The following PPFIA1 variants were observed in gnomAD, a reference collection of about 807,000 sequenced individuals.
PPFIA1 encodes the protein PPFI scaffold protein A1.
PPFIA1 carries 25 observed loss-of-function variants against 149.9 expected under a neutral mutation model. That is an observed-to-expected ratio of 0.17 (90% CI 0.12 to 0.23). The LOEUF is 0.23. Among genes scored for constraint, PPFIA1 ranks in the 10% least tolerant of loss-of-function variants. The pLI, the probability that PPFIA1 is intolerant of heterozygous loss-of-function variation, is 1.00. For missense variants in PPFIA1, 1,362 were observed against 1,506.5 expected (o/e 0.90, Z 1.59); for synonymous variants, 549 against 552.8 (o/e 0.99, Z 0.10).
intron 16 of PPFIA1, chr11:70,351,022 A>G: frequency 8.0e-7 from 1 of 1,250,998 alleles, no homozygotes; most frequent in Non-Finnish European, 1.0e-6. Flanking sequence ...CATCGTAGAA[A>G]GGTAAATTGT....
rs141306096 is a variant in PPFIA1, at chr11:70,301,835, C to A, written c.265-22567C>A. ...AACCATTCATAGAGCTCTCGTCAGA[C>A]TGCTTTGCCAGACGCAGTACGCAGC... On this transcript the variant is annotated intron_variant, in intron 2 of 27. Transcript: ENST00000253925. 2.1e-4 allele frequency among the ~76,000 whole-genome samples: 32 copies of A among 152,340 alleles called. No homozygotes were observed. In the East Asian group the frequency reaches 6.0e-3, roughly 28 times the overall value.
chr11:70,342,271 T>G (rs543053760), intron 14 of PPFIA1: 1 of 152,374 alleles, frequency 6.6e-6, no homozygotes, highest in African/African-American at 2.4e-5. Flanking sequence ...GCCCAGCAGG[T>G]GGGGCTGACC....
chr11:70,372,704 G>A, intron 23 of PPFIA1, 130 bp downstream of exon 23: 1 of 672,720 alleles, frequency 1.5e-6, no homozygotes, highest in South Asian at 1.9e-5. Flanking sequence ...CTAGTCTAGT[G>A]TCATTGCAGA....
At chr11:70,299,510 A>C (rs575494409) in intron 2 of PPFIA1, among the ~76,000 whole-genome samples, 1 of 152,246 alleles carries the variant, frequency 6.6e-6, no homozygotes, top group South Asian at 2.1e-4. Flanking sequence ...TCATCTGAAC[A>C]AACCCTCTCC....
At chr11:70,286,060 G>T (rs1346595561) in intron 2 of PPFIA1, among the ~76,000 whole-genome samples, 1 of 152,170 alleles carries the variant, frequency 6.6e-6, no homozygotes, top group Non-Finnish European at 1.5e-5. Context: ...TTCCTTGGGA[G>T]TTTCAGCTGC....
rs745504916 is a variant in PPFIA1, at chr11:70,330,315, G to A, written c.1073G>A (p.Arg358Gln). The change falls in exon 8 of 28, where the codon CGA (arginine) becomes CAA (glutamine). Residue 358 changes from arginine (R) to glutamine (Q), a missense_variant. By Grantham distance (43) the Arg-to-Gln change is conservative (BLOSUM62 1). Around this residue, in one of 7 missense-constraint regions of PPFIA1, gnomAD observed 733 missense variants for 744.1 expected, o/e 0.99. Transcript: ENST00000253925. ...ATTGCAAATAAAGATTCTATGCATC[G>A]ACAGGTAATGGATTTTATCGACCTT... The part of the protein sequence containing the change: ...NEIANKDSMH[R>Q]QTEDKNRQLQ... 75 of 1,574,824 alleles carry A rather than the reference G, an allele frequency of 4.8e-5. No homozygotes were observed. The South Asian group carries it at 8.1e-4, about 17-fold the overall frequency.
chr11:70,353,260 A>C (rs542794420), intron 16 of PPFIA1, among the ~76,000 whole-genome samples: 1 of 152,156 alleles, frequency 6.6e-6, no homozygotes, highest in Non-Finnish European at 1.5e-5. Context: ...AGTCCCACCT[A>C]CTTTGGAGGC....
intron 2 of PPFIA1, among the ~76,000 whole-genome samples, chr11:70,276,531 T>A (rs2050390435): frequency 6.6e-6 from 1 of 152,214 alleles, no homozygotes; most frequent in Non-Finnish European, 1.5e-5. Flanking sequence ...AAGGTTATGC[T>A]GGTTTCTTAA....
rs147283498 is a variant in PPFIA1, at chr11:70,310,579, T to C, written c.265-13823T>C. 5.3e-3 allele frequency among the ~76,000 whole-genome samples: 811 copies of C among 152,006 alleles called. 7 individuals are homozygous for C. The highest frequency in any genetic ancestry group is 0.018 in the African/African-American group (743 of 41,432). ...TTTGGTATTTTTAGTAGAGATGGGG[T>C]TTCACCATGTTGGCCAGAATGATGT... On this transcript the variant is annotated intron_variant, in intron 2 of 27. Coordinates refer to ENST00000253925, the MANE Select transcript of PPFIA1 (RefSeq NM_003626.5).
At chr11:70,361,758 G>T (rs560462144) in intron 19 of PPFIA1, among the ~76,000 whole-genome samples, 1 of 151,510 alleles carries the variant, frequency 6.6e-6, no homozygotes, top group African/African-American at 2.4e-5. Flanking sequence ...TGAGACTACA[G>T]GCATGCGTCA....
chr11:70,271,476 T>G (rs2050086212), intron 1 of PPFIA1, among the ~76,000 whole-genome samples: 1 of 152,150 alleles, frequency 6.6e-6, no homozygotes. Context: ...CCCTCTTTCC[T>G]AGCCGCCCCC....
At chr11:70,328,275 C>G (rs2054444627) in intron 7 of PPFIA1, among the ~76,000 whole-genome samples, 2 of 152,118 alleles carry the variant, frequency 1.3e-5, no homozygotes, top group African/African-American at 4.8e-5. Flanking sequence ...TTGTTCCCCT[C>G]TGTCTGTCCC....
chr11:70,375,151 A>G lies in PPFIA1; in HGVS notation c.3315+58A>G, dbSNP rs866771947. On this transcript the variant is annotated intron_variant, in intron 24 of 27. Coordinates refer to ENST00000253925, the MANE Select transcript of PPFIA1 (RefSeq NM_003626.5). ...TGTTCAGTTGGCACCCTGATTATAG[A>G]CAGCTAGTTATTCGAATAGAAAGAA... The G allele has an allele frequency of 5.2e-6, 5 of 969,794 alleles. No individual in the cohort carries two copies. In the African/African-American group the frequency reaches 5.3e-5, roughly 10 times the overall value. 60.1% of individuals were successfully genotyped at this position (969,794 alleles called of 1,614,324 possible).
At chr11:70,359,427 A>AGG (rs932230708) in intron 19 of PPFIA1, among the ~76,000 whole-genome samples, 7 of 152,086 alleles carry the variant, frequency 4.6e-5, no homozygotes, top group African/African-American at 1.7e-4. Flanking sequence ...GGAGCATGGG[A>AGG]GGGGCTATGC....
intron 2 of PPFIA1, among the ~76,000 whole-genome samples, chr11:70,298,500 G>T (rs901777014): frequency 1.3e-5 from 2 of 152,112 alleles, no homozygotes; most frequent in Non-Finnish European, 2.9e-5. Context: ...TTTCTTTTTT[G>T]TGTTCCCCAA....
At chr11:70,362,625 C>A in intron 21 of PPFIA1, 137 bp downstream of exon 21, 1 of 826,246 alleles carries the variant, frequency 1.2e-6, no homozygotes, top group Non-Finnish European at 1.7e-6. Context: ...TTTAGCATCA[C>A]ATACATTAGA....
At chr11:70,377,693 CTA>C (rs1203594902) in intron 25 of PPFIA1, among the ~76,000 whole-genome samples, 3 of 152,126 alleles carry the variant, frequency 2.0e-5, no homozygotes, top group African/African-American at 7.2e-5. Flanking sequence ...GAAAAATAAA[CTA>C]TTTTTAAGAT....
In PPFIA1 at chr11:70,372,332, G is replaced by A. The variant is rs1235734603; in HGVS notation, c.2983G>A (p.Asp995Asn). 3 of 1,614,168 alleles carry A rather than the reference G, an allele frequency of 1.9e-6. No individual in the cohort carries two copies. The highest frequency in any genetic ancestry group is 1.7e-6 in the Non-Finnish European group (2 of 1,180,038). The change falls in exon 22 of 28, where the codon GAC becomes AAC. Residue 995 changes from aspartate to asparagine, a missense_variant. Physicochemically the swap from Asp to Asn is conservative, Grantham distance 23 (BLOSUM62 1). This residue lies in a region of PPFIA1 where 349 missense variants were observed against 373.3 expected (regional missense o/e 0.93). Transcript: ENST00000253925. ...MECLVDARML[D>N]HLTKKDLRGQ... Reference sequence around the variant, plus strand: ...GTGCCTTGTAGACGCCAGGATGCTGGACCACTTGACCAAGAAAGACCTTCG... The same window carrying A: ...GTGCCTTGTAGACGCCAGGATGCTGAACCACTTGACCAAGAAAGACCTTCG...
chr11:70,342,196 T>TG (rs1477436491), intron 14 of PPFIA1: 1 of 152,472 alleles, frequency 6.6e-6, no homozygotes, highest in Non-Finnish European at 1.5e-5. Flanking sequence ...TAGTGGAACT[T>TG]GCTTATCCAG....
Sources: gnomAD v4.1 joint callset for allele counts (sites outside exome capture counted in the v4.1 genomes callset) on GRCh38, gnomAD v4.1.1 for gene constraint, gnomAD v4.1.1 regional missense constraint, MANE v1.5 for transcripts, NCBI Gene and HGNC (gene_info 2026-07-23, HGNC 2026-07-21) for gene names.